AGAP1: variants seen among roughly 807,000 people sequenced by gnomAD.
AGAP1 encodes the protein arf-GAP with GTPase, ANK repeat and PH domain-containing protein 1.
In AGAP1, 29 loss-of-function variants were observed where a neutral mutation model predicts 105.3. The ratio of observed to expected loss-of-function variants is 0.28; its 90% CI spans 0.21 to 0.38. The LOEUF (loss-of-function observed/expected upper bound fraction) is 0.38. Among genes scored for constraint, AGAP1 ranks in the 10% least tolerant of loss-of-function variants. The pLI is 1.00. For missense variants in AGAP1, 998 were observed against 1,165.1 expected, an observed-to-expected ratio of 0.86 and a Z score of 2.09; for synonymous variants, 509 against 485.9, an observed-to-expected ratio of 1.05 and a Z score of -0.63.
At chr2:235,871,518 A>C (rs557573125) in intron 9 of AGAP1, among the ~76,000 whole-genome samples, 3 of 152,250 alleles carry the variant, frequency 2.0e-5, no homozygotes, top group African/African-American at 7.2e-5. Context: ...TGTCCTCACA[A>C]CTTCCACTCA....
At chr2:235,544,237 A>G (rs1943550423) in intron 1 of AGAP1, among the ~76,000 whole-genome samples, 1 of 152,184 alleles carries the variant, frequency 6.6e-6, no homozygotes, top group Admixed American at 6.5e-5. Context: ...CTTCCTGTCC[A>G]GTGGTCCAGG....
intron 13 of AGAP1, among the ~76,000 whole-genome samples, chr2:235,984,056 A>T (rs956702092): frequency 1.3e-5 from 2 of 151,710 alleles, no homozygotes; most frequent in Admixed American, 1.3e-4. Context: ...TTAAGCAACA[A>T]CTCCCCAGCC....
chr2:235,730,458 T>C (rs1158326536), intron 3 of AGAP1, among the ~76,000 whole-genome samples: 1 of 141,104 alleles, frequency 7.1e-6, no homozygotes, highest in Non-Finnish European at 1.5e-5. Flanking sequence ...AGTTTTGCAA[T>C]GCTCTTTTGT....
intron 13 of AGAP1, among the ~76,000 whole-genome samples, chr2:236,022,256 G>A (rs1023228353): frequency 7.2e-5 from 11 of 152,002 alleles, no homozygotes; most frequent in African/African-American, 1.9e-4. Flanking sequence ...TCCTAAGCTC[G>A]TAATTGACCT....
At chr2:235,809,775 T>G (rs998368346) in intron 9 of AGAP1, among the ~76,000 whole-genome samples, 2 of 152,158 alleles carry the variant, frequency 1.3e-5, no homozygotes, top group African/African-American at 4.8e-5. Flanking sequence ...ATGACTTCAG[T>G]GTGGAAATGA....
At chr2:236,094,205 A>G (rs528163578) in intron 16 of AGAP1, among the ~76,000 whole-genome samples, 1 of 152,140 alleles carries the variant, frequency 6.6e-6, no homozygotes, top group Non-Finnish European at 1.5e-5. Context: ...CCATAGTCCC[A>G]GCTACTCAGA....
intron 1 of AGAP1, among the ~76,000 whole-genome samples, chr2:235,618,277 G>C (rs1946370515): frequency 6.6e-6 from 1 of 152,126 alleles, no homozygotes; most frequent in Admixed American, 6.5e-5. Context: ...TAAACCACAA[G>C]AGCTGGAAAA....
chr2:235,646,066 G>A (rs531053662), intron 1 of AGAP1, among the ~76,000 whole-genome samples: 38 of 152,068 alleles, frequency 2.5e-4, no homozygotes, highest in Non-Finnish European at 4.9e-4. Context: ...CATGAGGTCA[G>A]AAGTTCGAGA....
Position 236,086,157 on chromosome 2 carries a change from T to C in AGAP1, c.2115-34035T>C, listed in dbSNP as rs1353928546. On this transcript the variant is annotated intron_variant, in intron 16 of 17. Coordinates refer to ENST00000304032, the MANE Select transcript of AGAP1 (RefSeq NM_001037131.3). Reference sequence around the variant, plus strand: ...TAAGAAATAATTGGATTCTAAATTCTAATTCATCTGTAAAGTATTCGGTGA... The same window carrying C: ...TAAGAAATAATTGGATTCTAAATTCCAATTCATCTGTAAAGTATTCGGTGA... Among the ~76,000 whole-genome samples, 5 of 152,264 alleles carry C rather than the reference T, an allele frequency of 3.3e-5. No homozygotes were observed. In the East Asian group the frequency reaches 9.6e-4, roughly 29 times the overall value.
chr2:235,859,089 C>T (rs940451180), intron 9 of AGAP1, among the ~76,000 whole-genome samples: 5 of 152,150 alleles, frequency 3.3e-5, no homozygotes, highest in Admixed American at 1.3e-4. Flanking sequence ...AATGTTGTCT[C>T]GATCTTTATT....
chr2:235,786,377 G>A (rs551459039), intron 6 of AGAP1, among the ~76,000 whole-genome samples: 2 of 152,338 alleles, frequency 1.3e-5, no homozygotes, highest in East Asian at 1.9e-4. Flanking sequence ...GAATAGCACA[G>A]TGACCTAGTC....
At chr2:235,795,316 C>G (rs1205929923) in intron 6 of AGAP1, among the ~76,000 whole-genome samples, 1 of 152,182 alleles carries the variant, frequency 6.6e-6, no homozygotes, top group Admixed American at 6.5e-5. Flanking sequence ...CACCCCGTCC[C>G]TGGGACATCA....
intron 1 of AGAP1, among the ~76,000 whole-genome samples, chr2:235,617,601 C>T (rs1946347323): frequency 6.6e-6 from 1 of 152,112 alleles, no homozygotes; most frequent in Non-Finnish European, 1.5e-5. Flanking sequence ...ACTCAGGAGG[C>T]CGAGGCAGGA....
intron 1 of AGAP1, chr2:235,524,404 T>C (rs1942749996): frequency 4.6e-6 from 1 of 217,702 alleles, no homozygotes; most frequent in Non-Finnish European, 1.1e-5. Context: ...CTGTGTGATA[T>C]TTTTGCACAG....
chr2:235,881,468 T>A (rs1393468517), intron 9 of AGAP1, among the ~76,000 whole-genome samples: 1 of 152,198 alleles, frequency 6.6e-6, no homozygotes, highest in African/African-American at 2.4e-5. Flanking sequence ...TAAGGTTACA[T>A]AAGTTTATAA....
At chr2:235,881,188 GTAAA>G in intron 9 of AGAP1, among the ~76,000 whole-genome samples, 1 of 152,264 alleles carries the variant, frequency 6.6e-6, no homozygotes, top group African/African-American at 2.4e-5. Flanking sequence ...TTACGATCTA[GTAAA>G]TAAAAAACAG....
intron 1 of AGAP1, among the ~76,000 whole-genome samples, chr2:235,708,475 G>A (rs1465492443): frequency 6.6e-6 from 1 of 152,152 alleles, no homozygotes; most frequent in Non-Finnish European, 1.5e-5. Context: ...GGAGGCGGGG[G>A]AGAGTGCACC....
chr2:235,723,698 G>A lies in AGAP1; in HGVS notation c.310+6054G>A, dbSNP rs1387219057. 4.6e-5 allele frequency among the ~76,000 whole-genome samples: 7 copies of A among 152,226 alleles called. No individual in the cohort carries two copies. The highest frequency in any genetic ancestry group is 4.6e-4 in the Admixed American group (7 of 15,294). On this transcript the variant is annotated intron_variant, in intron 3 of 17. Transcript: ENST00000304032. This position sits in a 1 kb window ranked among gnomAD's most constrained non-coding sequence, Gnocchi z 6.2. The stretch of plus-strand genomic sequence containing the variant: ...GATCGTGGCACACCTGAGGAGGGCA[G>A]AAAGGTGGCCCCACAAGCTTCCCAA...
At chr2:236,043,090 T>C (rs1455856179) in intron 15 of AGAP1, among the ~76,000 whole-genome samples, 1 of 152,248 alleles carries the variant, frequency 6.6e-6, no homozygotes, top group African/African-American at 2.4e-5. Flanking sequence ...GCTCAGAAGA[T>C]GTAGCACATT....
Sources: gnomAD v4.1 joint callset for allele counts (sites outside exome capture counted in the v4.1 genomes callset) on GRCh38, gnomAD v4.1.1 for gene constraint, Gnocchi (gnomAD v3.1) non-coding constraint, MANE v1.5 for transcripts, NCBI Gene and HGNC (gene_info 2026-07-23, HGNC 2026-07-21) for gene names.